The following PTPRE variants were observed in gnomAD, a reference collection of about 807,000 sequenced individuals.
PTPRE encodes receptor-type tyrosine-protein phosphatase epsilon.
Under a neutral mutation model 102.0 loss-of-function variants are expected in PTPRE, and 51 were observed. The ratio of observed to expected loss-of-function variants is 0.50; its 90% CI spans 0.40 to 0.63. PTPRE has a LOEUF of 0.63. Ranked by LOEUF, PTPRE falls within the 30% of genes least tolerant of loss-of-function variation. PTPRE has a pLI of 0.00. For synonymous variants in PTPRE, 345 were observed against 348.2 expected (o/e 0.99, Z 0.10); for missense variants, 752 against 915.1 (o/e 0.82, Z 2.30).
At chr10:128,050,930 A>G (rs1005701662) in intron 6 of PTPRE, among the ~76,000 whole-genome samples, 1 of 152,176 alleles carries the variant, frequency 6.6e-6, no homozygotes, top group Non-Finnish European at 1.5e-5. Context: ...TAAACTGTAC[A>G]TTGCTTGTTT....
At chr10:128,011,624 G>A (rs1845021651) in intron 2 of PTPRE, among the ~76,000 whole-genome samples, 1 of 152,246 alleles carries the variant, frequency 6.6e-6, no homozygotes, top group South Asian at 2.1e-4. Context: ...GTGCTAAGTT[G>A]AGCCCATAAA....
chr10:127,960,904 C>T (rs1001348486), intron 1 of PTPRE, among the ~76,000 whole-genome samples: 15 of 151,856 alleles, frequency 9.9e-5, no homozygotes, highest in Non-Finnish European at 1.8e-4. Flanking sequence ...ACCTGTAGTC[C>T]CAGCTACTCA....
chr10:128,063,140 C>A lies in PTPRE; in HGVS notation c.683C>A (p.Ala228Glu). 1 of 1,614,206 alleles carries A rather than the reference C, an allele frequency of 6.2e-7. No homozygotes were observed. Among genetic ancestry groups the A allele is most frequent in the South Asian group, 1.1e-5 (1 of 91,072 alleles). Residue 228 changes from alanine (A) to glutamate (E), a missense_variant, in exon 10 of 21, where the codon GCG (alanine) becomes GAG (glutamate). By Grantham distance (107) the Ala-to-Glu change is moderately radical (BLOSUM62 -1). Coordinates refer to ENST00000254667, the MANE Select transcript of PTPRE (RefSeq NM_006504.6). Reference sequence around the variant, plus strand: ...AGAATGGTCTGGGAGCAAAAGTCTGCGACCATCGTCATGTTAACAAACTTG... The same window carrying A: ...AGAATGGTCTGGGAGCAAAAGTCTGAGACCATCGTCATGTTAACAAACTTG... ...FWRMVWEQKS[A>E]TIVMLTNLKE...
intron 1 of PTPRE, among the ~76,000 whole-genome samples, chr10:127,912,453 A>T (rs1845927596): frequency 6.6e-6 from 1 of 152,226 alleles, no homozygotes; most frequent in Non-Finnish European, 1.5e-5. Flanking sequence ...TGTAACAAGT[A>T]ACAAAAGGGG....
chr10:127,964,111 A>T (rs947498215), intron 1 of PTPRE, among the ~76,000 whole-genome samples: 13 of 152,158 alleles, frequency 8.5e-5, no homozygotes, highest in Non-Finnish European at 1.6e-4. Context: ...GCATAACTGC[A>T]GTCCGTCGCC....
intron 1 of PTPRE, among the ~76,000 whole-genome samples, chr10:127,936,505 C>T (rs1847854214): frequency 6.6e-6 from 1 of 152,172 alleles, no homozygotes; most frequent in Non-Finnish European, 1.5e-5. Flanking sequence ...CACAGAATTT[C>T]CAGGGCCTCA....
At chr10:127,933,501 T>C (rs183031850) in intron 1 of PTPRE, among the ~76,000 whole-genome samples, 2 of 152,294 alleles carry the variant, frequency 1.3e-5, no homozygotes, top group African/African-American at 4.8e-5. Context: ...TGGATGAAAA[T>C]GAGGAACTGT....
At chr10:127,970,648 C>G (rs1850658399) in intron 1 of PTPRE, among the ~76,000 whole-genome samples, 2 of 151,810 alleles carry the variant, frequency 1.3e-5, no homozygotes. Flanking sequence ...CTACAAAACT[C>G]CTGTTTTATT....
chr10:127,969,961 G>A (rs943515023), intron 1 of PTPRE, among the ~76,000 whole-genome samples: 4 of 152,212 alleles, frequency 2.6e-5, no homozygotes, highest in Non-Finnish European at 5.9e-5. Context: ...GGGAGGCAAA[G>A]CTGTCTCCTC....
intron 2 of PTPRE, among the ~76,000 whole-genome samples, chr10:128,004,952 G>A (rs192430645): frequency 8.1e-4 from 123 of 152,302 alleles, no homozygotes; most frequent in African/African-American, 2.8e-3. Flanking sequence ...GAAGTGGAGT[G>A]TGATTATGGT....
At chr10:127,980,167 A>G (rs7894368) in intron 1 of PTPRE, among the ~76,000 whole-genome samples, 66,313 of 151,966 alleles carry the variant, frequency 0.44, 16,820 homozygotes, top group African/African-American at 0.71. Context: ...CCCTGCCATC[A>G]TGCTCTATGT....
rs1846434933 is a variant in PTPRE, at chr10:128,028,295, C to T, written c.-7-12580C>T. Among the ~76,000 whole-genome samples, 1 of 152,172 alleles carries T rather than the reference C, an allele frequency of 6.6e-6. No homozygotes were observed. Among genetic ancestry groups the T allele is most frequent in the African/African-American group, 2.4e-5 (1 of 41,440 alleles). On this transcript the variant is annotated intron_variant, in intron 2 of 20. Transcript: ENST00000254667. This position sits in a 1 kb window ranked among gnomAD's most constrained non-coding sequence, Gnocchi z 4.5. ...TCTCCTCCCCAGTCCTTTCTGCGACCTCAGGTGGCCTCACTCCTGGCAGGC... is the reference window on the plus strand; with the variant it reads ...TCTCCTCCCCAGTCCTTTCTGCGACTTCAGGTGGCCTCACTCCTGGCAGGC...
At chr10:127,909,668 A>C (rs1845733578) in intron 1 of PTPRE, among the ~76,000 whole-genome samples, 1 of 152,128 alleles carries the variant, frequency 6.6e-6, no homozygotes, top group African/African-American at 2.4e-5. Flanking sequence ...TGTATGCCAG[A>C]CTATAGTTTC....
intron 2 of PTPRE, among the ~76,000 whole-genome samples, chr10:128,014,542 A>G (rs1195763098): frequency 6.6e-6 from 1 of 152,156 alleles, no homozygotes; most frequent in Non-Finnish European, 1.5e-5. Context: ...ATTTTTAATA[A>G]AAGAAGATTA....
At chr10:127,962,044 T>G (rs1219074136) in intron 1 of PTPRE, among the ~76,000 whole-genome samples, 1 of 152,202 alleles carries the variant, frequency 6.6e-6, no homozygotes, top group African/African-American at 2.4e-5. Flanking sequence ...TTTAATTTCA[T>G]CAAACAATAG....
At chr10:127,984,314 C>G (rs1030256526) in intron 2 of PTPRE, among the ~76,000 whole-genome samples, 1 of 152,012 alleles carries the variant, frequency 6.6e-6, no homozygotes, top group Non-Finnish European at 1.5e-5. Flanking sequence ...CTCCCGACCT[C>G]AGGTGATCTG....
chr10:128,017,331 G>A (rs938180433), intron 2 of PTPRE, among the ~76,000 whole-genome samples: 2 of 152,148 alleles, frequency 1.3e-5, no homozygotes, highest in African/African-American at 4.8e-5. Flanking sequence ...AAGAGGCCTG[G>A]CACGCTTGCT....
chr10:127,946,383 G>A (rs1340625759), intron 1 of PTPRE, among the ~76,000 whole-genome samples: 3 of 148,250 alleles, frequency 2.0e-5, no homozygotes, highest in Admixed American at 1.4e-4. Flanking sequence ...AAATAAGTAA[G>A]GATATATATA....
chr10:127,991,017 C>T (rs928451286), intron 2 of PTPRE, among the ~76,000 whole-genome samples: 5 of 152,242 alleles, frequency 3.3e-5, no homozygotes, highest in South Asian at 2.1e-4. Flanking sequence ...TTCCGGGGGC[C>T]GCGTGATGGT....
Sources: gnomAD v4.1 joint callset for allele counts (sites outside exome capture counted in the v4.1 genomes callset) on GRCh38, gnomAD v4.1.1 for gene constraint, Gnocchi (gnomAD v3.1) non-coding constraint, MANE v1.5 for transcripts, NCBI Gene and HGNC (gene_info 2026-07-23, HGNC 2026-07-21) for gene names.